The following STPG2 variants were observed in gnomAD, a reference collection of about 807,000 sequenced individuals.
STPG2 encodes the protein sperm tail PG-rich repeat containing 2.
A neutral mutation model predicts 54.2 loss-of-function variants in STPG2; 56 were observed. That is an observed-to-expected ratio of 1.03 (90% CI 0.83 to 1.29). The LOEUF (loss-of-function observed/expected upper bound fraction) is 1.29. Ranked by LOEUF, STPG2 falls within the 50% of genes most tolerant of loss-of-function variation. The probability of loss-of-function intolerance (pLI) is 0.00; values close to 1 mark genes in which losing one functional copy is unlikely to be tolerated. For missense variants in STPG2, 596 were observed against 544.9 expected, an observed-to-expected ratio of 1.09 and a Z score of -0.93; for synonymous variants, 200 against 181.8, an observed-to-expected ratio of 1.10 and a Z score of -0.81.
At chr4:97,617,982 T>C (rs139426187) in intron 10 of STPG2, among the ~76,000 whole-genome samples, 1 of 152,156 alleles carries the variant, frequency 6.6e-6, no homozygotes, top group Non-Finnish European at 1.5e-5. Context: ...AAGTCTAGAC[T>C]TATCAACCAA....
chr4:97,675,600 G>A (rs1177213243), intron 10 of STPG2, among the ~76,000 whole-genome samples: 1 of 151,920 alleles, frequency 6.6e-6, no homozygotes, highest in Non-Finnish European at 1.5e-5. Context: ...CCAAGAATAA[G>A]AGAAGGCTCT....
intron 5 of STPG2, among the ~76,000 whole-genome samples, chr4:98,027,105 T>C (rs147306745): frequency 6.6e-6 from 1 of 152,176 alleles, no homozygotes; most frequent in African/African-American, 2.4e-5. Flanking sequence ...AAATGGCCAA[T>C]GTTCCCAGGG....
intron 10 of STPG2, among the ~76,000 whole-genome samples, chr4:97,618,271 T>C (rs1293342232): frequency 4.6e-5 from 7 of 152,126 alleles, no homozygotes; most frequent in East Asian, 3.9e-4. Flanking sequence ...AGTTGCTATG[T>C]TGTGAGAAGC....
At chr4:97,866,899 T>C (rs1000636211) in intron 8 of STPG2, among the ~76,000 whole-genome samples, 5 of 148,888 alleles carry the variant, frequency 3.4e-5, no homozygotes, top group Non-Finnish European at 7.4e-5. Context: ...AAACTGACAG[T>C]TGCAGCAAGG....
chr4:97,838,480 G>A (rs986243639), intron 9 of STPG2, among the ~76,000 whole-genome samples: 1 of 150,554 alleles, frequency 6.6e-6, no homozygotes, highest in Admixed American at 6.6e-5. Flanking sequence ...ATATTAATAT[G>A]TATATATTAA....
chr4:97,740,926 A>C (rs2149036476), intron 9 of STPG2, among the ~76,000 whole-genome samples: 1 of 152,258 alleles, frequency 6.6e-6, no homozygotes, highest in Admixed American at 6.5e-5. Context: ...AGGCAAAAGA[A>C]CAAAGCTGGA....
intron 8 of STPG2, among the ~76,000 whole-genome samples, chr4:97,909,721 A>G (rs1731606111): frequency 6.6e-6 from 1 of 152,230 alleles, no homozygotes; most frequent in Non-Finnish European, 1.5e-5. Context: ...TAGATTTGAA[A>G]AAATGCTTAA....
At chr4:97,452,676 G>C (rs565119822) in intron 4 of STPG2, among the ~76,000 whole-genome samples, 1 of 152,310 alleles carries the variant, frequency 6.6e-6, no homozygotes, top group Non-Finnish European at 1.5e-5. Context: ...CCGCCTATCT[G>C]CTGAGAGCTT....
At chr4:97,797,815 C>T (rs984341693) in intron 9 of STPG2, among the ~76,000 whole-genome samples, 1 of 152,122 alleles carries the variant, frequency 6.6e-6, no homozygotes, top group Non-Finnish European at 1.5e-5. Context: ...TCCGTCTGGT[C>T]CTGGACTTTT....
intron 4 of STPG2, among the ~76,000 whole-genome samples, chr4:97,545,275 A>G (rs1731809870): frequency 6.6e-6 from 1 of 152,168 alleles, no homozygotes; most frequent in African/African-American, 2.4e-5. Context: ...ACACAAAGTG[A>G]TTTTCTATGA....
At chr4:98,076,126 C>T (rs1158345008) in intron 5 of STPG2, among the ~76,000 whole-genome samples, 1 of 152,000 alleles carries the variant, frequency 6.6e-6, no homozygotes, top group East Asian at 1.9e-4. Context: ...CGCCTGTAGT[C>T]CCAGCTACTC....
chr4:97,973,215 T>C (rs762017794), intron 6 of STPG2, among the ~76,000 whole-genome samples: 1 of 152,130 alleles, frequency 6.6e-6, no homozygotes, highest in Non-Finnish European at 1.5e-5. Flanking sequence ...TGGCCTCAGA[T>C]GGAGATGAGG....
intron 5 of STPG2, among the ~76,000 whole-genome samples, chr4:98,104,278 C>T (rs1248957028): frequency 6.6e-6 from 1 of 152,068 alleles, no homozygotes; most frequent in Non-Finnish European, 1.5e-5. Context: ...AATAAGGTTC[C>T]ATCTTCCCTC....
chr4:97,908,264 A>T (rs1262995999), intron 8 of STPG2, among the ~76,000 whole-genome samples: 1 of 152,130 alleles, frequency 6.6e-6, no homozygotes, highest in Non-Finnish European at 1.5e-5. Context: ...ACATGAAAAA[A>T]TGCTCACCAT....
At chr4:97,468,476 C>T (rs1261245850) in intron 4 of STPG2, among the ~76,000 whole-genome samples, 3 of 151,940 alleles carry the variant, frequency 2.0e-5, no homozygotes, top group Non-Finnish European at 4.4e-5. Context: ...ATGGGAGCTC[C>T]ATACAAGCAT....
intron 4 of STPG2, among the ~76,000 whole-genome samples, chr4:97,530,603 G>A (rs1273101332): frequency 1.3e-5 from 2 of 152,144 alleles, no homozygotes; most frequent in Non-Finnish European, 1.5e-5. Context: ...GCATGACAAA[G>A]TAAGATGGTG....
intron 10 of STPG2, among the ~76,000 whole-genome samples, chr4:97,651,317 A>C (rs1165193437): frequency 6.6e-6 from 1 of 152,130 alleles, no homozygotes; most frequent in South Asian, 2.1e-4. Context: ...GAAAACTTAC[A>C]GTTGAAAAAG....
rs965483149 is a variant in STPG2 at position 97,573,663 on chromosome 4, T to C, written c.1321-14546A>G. Among the ~76,000 whole-genome samples the C allele has an allele frequency of 4.6e-5, 7 of 152,228 alleles. No homozygotes were observed. In the East Asian group the frequency reaches 1.2e-3, roughly 25 times the overall value. On this transcript the variant is annotated intron_variant, in intron 10 of 10. Transcript: ENST00000295268. The stretch of plus-strand genomic sequence containing the variant: ...ATTTAAAACAATGATATTTGAAACA[T>C]AAATGAATAAATAAATTTTAAAATG...
chr4:97,947,273 T>C (rs1386092408), intron 7 of STPG2, among the ~76,000 whole-genome samples: 1 of 151,844 alleles, frequency 6.6e-6, no homozygotes, highest in Admixed American at 6.6e-5. Context: ...AATCTAATCT[T>C]ATCTCTAGGC....
Sources: gnomAD v4.1 joint callset for allele counts (sites outside exome capture counted in the v4.1 genomes callset) on GRCh38, gnomAD v4.1.1 for gene constraint, MANE v1.5 for transcripts, NCBI Gene and HGNC (gene_info 2026-07-23, HGNC 2026-07-21) for gene names.